Variants in PSD3 observed in about 807,000 individuals in gnomAD.
The protein encoded by PSD3 is PH and SEC7 domain-containing protein 3.
In PSD3, 49 loss-of-function variants were observed where a neutral mutation model predicts 105.5. The observed-to-expected ratio is 0.46, with a 90% CI of 0.37 to 0.59. The LOEUF is 0.59. Among genes scored for constraint, PSD3 ranks in the 20% least tolerant of loss-of-function variants. The pLI is 0.00. For synonymous variants in PSD3, 557 were observed against 457.8 expected, an observed-to-expected ratio of 1.22 and a Z score of -2.77; for missense variants, 1,561 against 1,263.8, an observed-to-expected ratio of 1.24 and a Z score of -3.57.
At chr8:18,982,174 T>C (rs1825279623) in intron 1 of PSD3, among the ~76,000 whole-genome samples, 1 of 152,206 alleles carries the variant, frequency 6.6e-6, no homozygotes, top group Admixed American at 6.5e-5. Flanking sequence ...AAGAAACCAC[T>C]TTGTTTGTTC....
At chr8:18,633,661 T>C (rs375300151) in intron 10 of PSD3, among the ~76,000 whole-genome samples, 16 of 152,220 alleles carry the variant, frequency 1.1e-4, no homozygotes, top group East Asian at 5.8e-4. Flanking sequence ...CAGTTCACCA[T>C]TGAAGGGCAT....
intron 9 of PSD3, among the ~76,000 whole-genome samples, chr8:18,671,351 C>A (rs1004165570): frequency 6.6e-6 from 1 of 152,074 alleles, no homozygotes; most frequent in Non-Finnish European, 1.5e-5. Context: ...CATAAGCATG[C>A]CCTCCAATTT....
chr8:18,745,867 TTC>T (rs1477754806), intron 9 of PSD3, among the ~76,000 whole-genome samples: 1 of 152,242 alleles, frequency 6.6e-6, no homozygotes. Context: ...TATTCATAAT[TTC>T]TTTCTCCCAT....
chr8:18,565,170 G>C (rs1801658041), intron 14 of PSD3, among the ~76,000 whole-genome samples: 1 of 152,110 alleles, frequency 6.6e-6, no homozygotes, highest in Admixed American at 6.5e-5. Flanking sequence ...GTGGGGCTGG[G>C]AAATGTGCAT....
chr8:18,949,221 CAAAAAAAAAAA>C (rs1213755572), intron 1 of PSD3, among the ~76,000 whole-genome samples: 1 of 11,904 alleles, frequency 8.4e-5, no homozygotes, highest in African/African-American at 2.0e-4. Context: ...GACTCTGTCT[CAAAAAAAAAAA>C]AAAAAAAAAA....
chr8:18,554,839 G>C (rs17643535), intron 15 of PSD3, among the ~76,000 whole-genome samples: 8,723 of 152,138 alleles, frequency 0.057, 538 homozygotes, highest in East Asian at 0.18. Flanking sequence ...AGGAATTTGG[G>C]CTGTACCTCA....
At position 18,765,376 on chromosome 8, in the gene PSD3, C is replaced by T. The variant is rs1806891760; in HGVS notation, c.2172+73G>A. 9.9e-6 allele frequency: 13 copies of T among 1,307,214 alleles called. 1 individual carries two copies. The South Asian group carries it at 1.4e-4, about 14-fold the overall frequency. 81.0% of individuals were successfully genotyped at this position (1,307,214 alleles called of 1,614,324 possible). The stretch of plus-strand genomic sequence containing the variant: ...GCAAAATACTTAAGTGATCCTTAGC[C>T]TACTTAGGATTAAGCTGTAAGCAGC... On this transcript the variant is annotated intron_variant, in intron 9 of 15. Coordinates refer to ENST00000327040, the MANE Select transcript of PSD3 (RefSeq NM_015310.4).
intron 9 of PSD3, among the ~76,000 whole-genome samples, chr8:18,756,793 C>T (rs924996562): frequency 1.2e-4 from 18 of 147,738 alleles, no homozygotes; most frequent in Non-Finnish European, 2.1e-4. Context: ...TAGGCACAGG[C>T]CAAATATCTT....
chr8:19,061,051 T>C (rs1828880350), intron 1 of PSD3, among the ~76,000 whole-genome samples: 1 of 152,208 alleles, frequency 6.6e-6, no homozygotes, highest in African/African-American at 2.4e-5. Flanking sequence ...AGCCTTGGCA[T>C]GCTCCATGGG....
intron 9 of PSD3, among the ~76,000 whole-genome samples, chr8:18,729,882 G>C (rs755724882): frequency 1.1e-4 from 16 of 152,090 alleles, no homozygotes; most frequent in Non-Finnish European, 1.8e-4. Flanking sequence ...TACCAACGTT[G>C]CTACAATGCA....
intron 4 of PSD3, among the ~76,000 whole-genome samples, chr8:18,833,970 C>T (rs1813887855): frequency 6.6e-6 from 1 of 151,632 alleles, no homozygotes; most frequent in Non-Finnish European, 1.5e-5. Context: ...AAAAATTCTA[C>T]CAAGAATAAA....
At chr8:18,559,150 G>C (rs1269199485) in intron 14 of PSD3, among the ~76,000 whole-genome samples, 1 of 152,160 alleles carries the variant, frequency 6.6e-6, no homozygotes, top group Non-Finnish European at 1.5e-5. Context: ...GTGTCACAAA[G>C]TGTTGGCATT....
At chr8:18,925,584 C>T (rs948169119) in intron 2 of PSD3, among the ~76,000 whole-genome samples, 3 of 151,998 alleles carry the variant, frequency 2.0e-5, no homozygotes, top group African/African-American at 7.2e-5. Flanking sequence ...CAACGTAACA[C>T]AAGCGGATGA....
At chr8:18,964,677 G>A (rs962718149) in intron 1 of PSD3, among the ~76,000 whole-genome samples, 19 of 152,166 alleles carry the variant, frequency 1.2e-4, no homozygotes, top group African/African-American at 2.9e-4. Context: ...GAGTGGTTCC[G>A]AACTGCCTAA....
At chr8:19,078,293 A>C (rs1829524588) in intron 1 of PSD3, among the ~76,000 whole-genome samples, 1 of 152,208 alleles carries the variant, frequency 6.6e-6, no homozygotes, top group Non-Finnish European at 1.5e-5. Context: ...TCAGGTAATG[A>C]TTTGATTCTA....
intron 9 of PSD3, among the ~76,000 whole-genome samples, chr8:18,661,157 T>C (rs1459236611): frequency 6.6e-6 from 1 of 152,182 alleles, no homozygotes; most frequent in Non-Finnish European, 1.5e-5. Context: ...AGTTCAATCA[T>C]CTCTAAACTC....
intron 1 of PSD3, among the ~76,000 whole-genome samples, chr8:19,078,918 G>T (rs1172650001): frequency 1.3e-5 from 2 of 151,328 alleles, no homozygotes; most frequent in Non-Finnish European, 2.9e-5. Flanking sequence ...GAGGAGAGAT[G>T]AAAAACAAGA....
chr8:18,811,865 T>C (rs1430327384), intron 4 of PSD3, among the ~76,000 whole-genome samples: 2 of 152,166 alleles, frequency 1.3e-5, no homozygotes, highest in Non-Finnish European at 2.9e-5. Flanking sequence ...TTTATGACAC[T>C]CCAAGGCCAA....
intron 11 of PSD3, among the ~76,000 whole-genome samples, chr8:18,602,818 G>T (rs1416345941): frequency 6.6e-6 from 1 of 152,124 alleles, no homozygotes; most frequent in African/African-American, 2.4e-5. Context: ...TGGACCCTTG[G>T]TGAGGCTCTT....
Sources: allele counts gnomAD v4.1 joint callset (sites outside exome capture counted in the v4.1 genomes callset), GRCh38; gene constraint gnomAD v4.1.1; transcripts MANE v1.5; gene names NCBI Gene and HGNC (gene_info 2026-07-23, HGNC 2026-07-21).